The following CSMD1 variants were observed in gnomAD, a reference collection of about 807,000 sequenced individuals.
The protein encoded by CSMD1 is CUB and Sushi multiple domains 1.
CSMD1 carries 213 observed loss-of-function variants against 417.5 expected under a neutral mutation model. That is an observed-to-expected ratio of 0.51 (90% confidence interval 0.46 to 0.57). The LOEUF (loss-of-function observed/expected upper bound fraction) is 0.57. Among genes scored for constraint, CSMD1 ranks in the 20% least tolerant of loss-of-function variants. CSMD1 has a pLI of 0.00. For missense variants in CSMD1, 6,923 were observed against 4,529.7 expected (o/e 1.53, Z -15.17); for synonymous variants, 2,862 against 1,736.8 (o/e 1.65, Z -16.11).
chr8:3,309,554 C>T (rs778191278), intron 23 of CSMD1, among the ~76,000 whole-genome samples: 2 of 141,828 alleles, frequency 1.4e-5, no homozygotes, highest in African/African-American at 4.9e-5. Context: ...TATTTTAAGG[C>T]CATCTGTGAA....
intron 1 of CSMD1, among the ~76,000 whole-genome samples, chr8:4,912,430 G>A (rs574565368): frequency 7.8e-4 from 118 of 151,974 alleles, no homozygotes; most frequent in Non-Finnish European, 1.3e-4. Context: ...ATTGCAGAAA[G>A]GCTGGACAAG....
intron 3 of CSMD1, among the ~76,000 whole-genome samples, chr8:4,259,021 T>C (rs766165982): frequency 3.3e-5 from 5 of 152,206 alleles, no homozygotes; most frequent in African/African-American, 4.8e-5. Context: ...TTGTTGGAAA[T>C]GTTGAACTTT....
intron 3 of CSMD1, among the ~76,000 whole-genome samples, chr8:4,264,338 T>G (rs1804093398): frequency 6.6e-6 from 1 of 152,170 alleles, no homozygotes; most frequent in Non-Finnish European, 1.5e-5. Context: ...GGAAAAATAC[T>G]CATTCAGAAT....
intron 2 of CSMD1, among the ~76,000 whole-genome samples, chr8:4,423,809 G>GA (rs35033080): frequency 0.011 from 1,649 of 152,118 alleles, 30 homozygotes; most frequent in African/African-American, 0.037. Context: ...CTGATTTCAA[G>GA]ACTTATTTTA....
rs571226346 is a variant in CSMD1, at chr8:3,273,098, T to C, written c.4153+11046A>G. On this transcript the variant is annotated intron_variant, in intron 26 of 69. Coordinates refer to ENST00000635120, the MANE Select transcript of CSMD1 (RefSeq NM_033225.6). ...ATAGATAGCTCTTATTATTTTGAGA[T>C]ACGTCCCATCAATACCTTATTTATT... Among the ~76,000 whole-genome samples, 75 of 152,198 alleles carry C rather than the reference T, an allele frequency of 4.9e-4. 1 individual carries two copies. The South Asian group carries it at 0.01, about 21-fold the overall frequency.
chr8:4,008,606 T>TC, intron 4 of CSMD1, among the ~76,000 whole-genome samples: 1 of 127,192 alleles, frequency 7.9e-6, no homozygotes, highest in Admixed American at 7.8e-5. Context: ...TTTTCTTTTT[T>TC]TTTTTTTTTT....
chr8:4,032,558 T>G (rs2130580399), intron 3 of CSMD1, among the ~76,000 whole-genome samples: 1 of 152,320 alleles, frequency 6.6e-6, no homozygotes, highest in Non-Finnish European at 1.5e-5. Flanking sequence ...GTACAGTGTC[T>G]GTTACACATC....
chr8:4,946,342 G>A (rs1187526954), intron 1 of CSMD1, among the ~76,000 whole-genome samples: 1 of 152,080 alleles, frequency 6.6e-6, no homozygotes, highest in Non-Finnish European at 1.5e-5. Flanking sequence ...AACAATTTTT[G>A]AGGGTGCTTT....
intron 1 of CSMD1, among the ~76,000 whole-genome samples, chr8:4,863,232 A>G (rs925190360): frequency 4.6e-5 from 7 of 152,122 alleles, no homozygotes; most frequent in Admixed American, 3.9e-4. Context: ...AGGAAAAATA[A>G]TCATGTGTTT....
At chr8:4,122,913 G>C (rs1445890177) in intron 3 of CSMD1, among the ~76,000 whole-genome samples, 1 of 152,172 alleles carries the variant, frequency 6.6e-6, no homozygotes, top group East Asian at 1.9e-4. Flanking sequence ...GACCCTTTAA[G>C]GACACAAATC....
intron 3 of CSMD1, among the ~76,000 whole-genome samples, chr8:4,288,464 C>G (rs768467878): frequency 6.6e-6 from 1 of 152,196 alleles, no homozygotes; most frequent in Non-Finnish European, 1.5e-5. Flanking sequence ...TTCTCCTGTA[C>G]TGCTGACGAT....
At chr8:4,873,326 C>T (rs922762359) in intron 1 of CSMD1, among the ~76,000 whole-genome samples, 16 of 152,062 alleles carry the variant, frequency 1.1e-4, no homozygotes, top group African/African-American at 3.6e-4. Context: ...CCATTCCAAA[C>T]AGTGAGATAT....
At chr8:4,623,159 G>T (rs951132030) in intron 2 of CSMD1, among the ~76,000 whole-genome samples, 10 of 152,072 alleles carry the variant, frequency 6.6e-5, no homozygotes, top group Non-Finnish European at 1.5e-5. Flanking sequence ...GAAGACAAAA[G>T]TTGCAGTGAA....
chr8:3,569,415 G>A (rs1001684779), intron 10 of CSMD1, among the ~76,000 whole-genome samples: 1 of 152,144 alleles, frequency 6.6e-6, no homozygotes, highest in East Asian at 1.9e-4. Flanking sequence ...GATAAGACTA[G>A]GAAAGAGTAT....
At chr8:3,847,894 T>C (rs1304346133) in intron 5 of CSMD1, among the ~76,000 whole-genome samples, 1 of 152,192 alleles carries the variant, frequency 6.6e-6, no homozygotes, top group Non-Finnish European at 1.5e-5. Context: ...TTCAACTCTA[T>C]CCGTTTTCTC....
intron 50 of CSMD1, among the ~76,000 whole-genome samples, chr8:3,047,439 T>C (rs948876741): frequency 5.9e-5 from 9 of 152,086 alleles, no homozygotes; most frequent in African/African-American, 2.2e-4. Context: ...CACTTACCAG[T>C]CTCACACCAG....
chr8:4,497,603 C>T (rs1802042610), intron 2 of CSMD1, among the ~76,000 whole-genome samples: 1 of 152,080 alleles, frequency 6.6e-6, no homozygotes, highest in African/African-American at 2.4e-5. Context: ...GCCATTTAGG[C>T]AAAGGCAGGC....
rs574209625 is a variant in CSMD1 at position 3,023,670 on chromosome 8, C to T, written c.7856-5020G>A. 1.8e-4 allele frequency among the ~76,000 whole-genome samples: 28 copies of T among 152,146 alleles called. No individual in the cohort carries two copies. In the South Asian group the frequency reaches 3.5e-3, roughly 19 times the overall value. On this transcript the variant is annotated intron_variant, in intron 51 of 69. Coordinates refer to ENST00000635120, the MANE Select transcript of CSMD1 (RefSeq NM_033225.6). ...CTTCAAAAAGTGGTAAATTTCTCAGCGGATTCCACAGTTGTCATGAATGTG... is the reference window on the plus strand; with the variant it reads ...CTTCAAAAAGTGGTAAATTTCTCAGTGGATTCCACAGTTGTCATGAATGTG...
intron 5 of CSMD1, among the ~76,000 whole-genome samples, chr8:3,892,782 T>C (rs148320450): frequency 5.7e-4 from 85 of 148,002 alleles, no homozygotes; most frequent in African/African-American, 2.1e-3. Context: ...CGTAGGACAA[T>C]TTGGACAGTC....
Sources: allele counts gnomAD v4.1 joint callset (sites outside exome capture counted in the v4.1 genomes callset), GRCh38; gene constraint gnomAD v4.1.1; transcripts MANE v1.5; gene names NCBI Gene and HGNC (gene_info 2026-07-23, HGNC 2026-07-21).